TRDN: variants seen among roughly 807,000 people sequenced by gnomAD.
TRDN encodes triadin in skeletal muscle.
A neutral mutation model predicts 149.7 loss-of-function variants in TRDN; 161 were observed. The observed-to-expected ratio is 1.08, with a 90% confidence interval of 0.95 to 1.23. TRDN has a LOEUF of 1.23. Ranked by LOEUF, TRDN falls within the 50% of genes most tolerant of loss-of-function variation. TRDN has a pLI of 0.00. For synonymous variants in TRDN, 294 were observed against 250.5 expected (o/e 1.17, Z -1.64); for missense variants, 896 against 823.5 (o/e 1.09, Z -1.08).
At chr6:123,279,183 C>T in intron 24 of TRDN, 101 bp from the exon 25 acceptor site, 2 of 904,794 alleles carry the variant, frequency 2.2e-6, no homozygotes, top group Non-Finnish European at 3.2e-6. Flanking sequence ...AAAAATGAAA[C>T]AATGTAGACC....
At chr6:123,370,159 G>A (rs977234221) in intron 19 of TRDN, among the ~76,000 whole-genome samples, 1 of 152,086 alleles carries the variant, frequency 6.6e-6, no homozygotes, top group East Asian at 1.9e-4. Flanking sequence ...ATAGAATATC[G>A]CCAAGGCCTT....
chr6:123,602,852 A>G (rs540954517), intron 1 of TRDN, among the ~76,000 whole-genome samples: 41 of 152,230 alleles, frequency 2.7e-4, no homozygotes, highest in African/African-American at 9.4e-4. Context: ...AACCAGCAAC[A>G]AAGTAAAAAC....
At chr6:123,272,142 C>G (rs561091766) in intron 29 of TRDN, among the ~76,000 whole-genome samples, 54 of 152,016 alleles carry the variant, frequency 3.6e-4, no homozygotes, top group African/African-American at 1.3e-3. Context: ...ATCACACAGA[C>G]TAAAACCCAT....
At chr6:123,518,654 T>C (rs1397970589) in intron 5 of TRDN, among the ~76,000 whole-genome samples, 1 of 152,156 alleles carries the variant, frequency 6.6e-6, no homozygotes, top group Non-Finnish European at 1.5e-5. Flanking sequence ...AATTAGCATA[T>C]TAATGCCTCA....
intron 21 of TRDN, chr6:123,350,148 A>G: frequency 1.0e-6 from 1 of 971,468 alleles, no homozygotes; most frequent in Non-Finnish European, 1.2e-6. Flanking sequence ...CTTGATGGTT[A>G]GTAGACAAAT....
chr6:123,403,465 T>C (rs1773067041), intron 12 of TRDN, among the ~76,000 whole-genome samples: 1 of 152,168 alleles, frequency 6.6e-6, no homozygotes, highest in Non-Finnish European at 1.5e-5. Context: ...AAAGGCTTTT[T>C]TCCTGTTTTG....
At chr6:123,365,649 A>G (rs1446479936) in intron 20 of TRDN, among the ~76,000 whole-genome samples, 1 of 152,146 alleles carries the variant, frequency 6.6e-6, no homozygotes, top group Admixed American at 6.5e-5. Context: ...TGGCTACATT[A>G]TTGACTTCAT....
intron 9 of TRDN, among the ~76,000 whole-genome samples, chr6:123,467,059 T>C (rs1776863011): frequency 6.6e-6 from 1 of 152,142 alleles, no homozygotes; most frequent in Non-Finnish European, 1.5e-5. Flanking sequence ...AAAACAACTT[T>C]ATTGCATACT....
chr6:123,605,689 G>C (rs1421328608), intron 1 of TRDN, among the ~76,000 whole-genome samples: 1 of 151,898 alleles, frequency 6.6e-6, no homozygotes, highest in African/African-American at 2.4e-5. Context: ...GCTTGAACCT[G>C]GGAGGCGGAG....
intron 1 of TRDN, among the ~76,000 whole-genome samples, chr6:123,606,506 C>T (rs1414989739): frequency 6.6e-6 from 1 of 151,984 alleles, no homozygotes; most frequent in Non-Finnish European, 1.5e-5. Flanking sequence ...GGAAGTTCCT[C>T]ATCATTAGGC....
At chr6:123,278,697 T>C (rs754901244) in intron 25 of TRDN, among the ~76,000 whole-genome samples, 1 of 152,130 alleles carries the variant, frequency 6.6e-6, no homozygotes, top group Non-Finnish European at 1.5e-5. Context: ...TTGAGGCTGG[T>C]AGGCAGAGGT....
intron 38 of TRDN, among the ~76,000 whole-genome samples, chr6:123,248,402 C>CA (rs1353156201): frequency 1.3e-5 from 2 of 151,720 alleles, no homozygotes; most frequent in African/African-American, 4.8e-5. Context: ...ACTGAACATA[C>CA]AAAAATTAGC....
At chr6:123,224,505 C>T (rs1385954770) in intron 38 of TRDN, among the ~76,000 whole-genome samples, 2 of 151,672 alleles carry the variant, frequency 1.3e-5, no homozygotes, top group African/African-American at 4.8e-5. Context: ...CGCATACAGC[C>T]TAGATAAAGA....
chr6:123,296,772 C>T (rs1317344307), intron 24 of TRDN, among the ~76,000 whole-genome samples: 1 of 151,896 alleles, frequency 6.6e-6, no homozygotes, highest in Non-Finnish European at 1.5e-5. Context: ...TTAGGGATTT[C>T]ATAGATAATG....
chr6:123,502,553 G>A (rs1778743973), intron 8 of TRDN: 1 of 983,016 alleles, frequency 1.0e-6, no homozygotes. Context: ...AATACTACAT[G>A]TGAATCAAAG....
chr6:123,387,962 C>A lies in TRDN; in HGVS notation c.1135+560G>T, dbSNP rs146857832. 4.8e-3 allele frequency among the ~76,000 whole-genome samples: 725 copies of A among 152,122 alleles called. 3 individuals carry two copies. Among genetic ancestry groups the A allele is most frequent in the Non-Finnish European group, 7.5e-3 (512 of 67,974 alleles). ...TTTTAGCTGGTCATGGACACTGGAT[C>A]TCTTGAATCTACAAAAGCACAGCTC... On this transcript the variant is annotated intron_variant, in intron 14 of 40. Transcript: ENST00000334268.
chr6:123,392,482 T>A (rs1045831044), intron 13 of TRDN, among the ~76,000 whole-genome samples: 3 of 152,016 alleles, frequency 2.0e-5, no homozygotes, highest in Admixed American at 6.6e-5. Flanking sequence ...TAGCAATGAT[T>A]TCTTAAACTG....
chr6:123,430,307 GC>G (rs1259889068), intron 12 of TRDN, among the ~76,000 whole-genome samples: 1 of 152,046 alleles, frequency 6.6e-6, no homozygotes, highest in African/African-American at 2.4e-5. Context: ...AACAGACTGG[GC>G]GCAGTGGCTC....
At chr6:123,570,139 G>A (rs964943373) in intron 2 of TRDN, among the ~76,000 whole-genome samples, 6 of 151,720 alleles carry the variant, frequency 4.0e-5, no homozygotes, top group African/African-American at 1.5e-4. Flanking sequence ...TACTCCTGTT[G>A]GAGAAAGAAA....
Sources: gnomAD v4.1 joint callset for allele counts (sites outside exome capture counted in the v4.1 genomes callset) on GRCh38, gnomAD v4.1.1 for gene constraint, MANE v1.5 for transcripts, NCBI Gene and HGNC (gene_info 2026-07-23, HGNC 2026-07-21) for gene names.